PCMTD1: variants seen among roughly 807,000 people sequenced by gnomAD.
PCMTD1 encodes protein-L-isoaspartate (D-aspartate) O-methyltransferase domain containing 1.
Under a neutral mutation model 37.6 loss-of-function variants are expected in PCMTD1, and 12 were observed. The ratio of observed to expected loss-of-function variants is 0.32; its 90% CI spans 0.20 to 0.52. The LOEUF (loss-of-function observed/expected upper bound fraction) is 0.52, where lower values mean the gene tolerates loss of function less well. Ranked by LOEUF, PCMTD1 falls within the 20% of genes least tolerant of loss-of-function variation. The pLI is 0.97. For missense variants in PCMTD1, 235 were observed against 421.3 expected, an observed-to-expected ratio of 0.56 and a Z score of 3.87; for synonymous variants, 117 against 135.8, an observed-to-expected ratio of 0.86 and a Z score of 0.96.
intron 1 of PCMTD1, among the ~76,000 whole-genome samples, chr8:51,878,710 C>A (rs774022944): frequency 1.3e-5 from 2 of 152,156 alleles, no homozygotes; most frequent in South Asian, 4.1e-4. Flanking sequence ...GATCACATCA[C>A]TATATTCCAG....
chr8:51,827,478 C>A, intron 5 of PCMTD1: 1 of 332,612 alleles, frequency 3.0e-6, no homozygotes, highest in South Asian at 2.4e-5. Flanking sequence ...TGAATCACCC[C>A]TCTGTCTACC....
intron 1 of PCMTD1, among the ~76,000 whole-genome samples, chr8:51,870,607 CT>C: frequency 6.6e-6 from 1 of 152,116 alleles, no homozygotes; most frequent in Non-Finnish European, 1.5e-5. Context: ...TGCTCTAGTT[CT>C]TTACCATACT....
intron 1 of PCMTD1, among the ~76,000 whole-genome samples, chr8:51,890,180 C>T (rs1257294965): frequency 6.6e-6 from 1 of 152,154 alleles, no homozygotes; most frequent in Admixed American, 6.5e-5. Flanking sequence ...TTTCTAATTT[C>T]TCTGGTTCAT....
chr8:51,850,084 A>C, intron 2 of PCMTD1: 1 of 702,450 alleles, frequency 1.4e-6, no homozygotes, highest in Non-Finnish European at 2.6e-6. Flanking sequence ...TGAGGTCAAA[A>C]TACTGGTGTG....
At chr8:51,857,237 C>G (rs2129285369) in intron 2 of PCMTD1, among the ~76,000 whole-genome samples, 1 of 152,324 alleles carries the variant, frequency 6.6e-6, no homozygotes, top group East Asian at 1.9e-4. Flanking sequence ...AATGTTGTAG[C>G]AGCAAGGTAG....
intron 2 of PCMTD1, chr8:51,849,805 G>A (rs2038278904): frequency 2.3e-6 from 1 of 440,392 alleles, no homozygotes; most frequent in Non-Finnish European, 4.0e-6. Context: ...GGCATCAAGT[G>A]TCTATGCAAT....
intron 1 of PCMTD1, among the ~76,000 whole-genome samples, chr8:51,880,570 G>A (rs983234034): frequency 5.9e-5 from 9 of 152,118 alleles, no homozygotes; most frequent in East Asian, 3.9e-4. Context: ...CATCCTCAAC[G>A]TACATGAACA....
intron 1 of PCMTD1, among the ~76,000 whole-genome samples, chr8:51,877,990 T>C (rs553673240): frequency 6.6e-6 from 1 of 152,270 alleles, no homozygotes; most frequent in South Asian, 2.1e-4. Context: ...AGCAAATGCA[T>C]CAAAATGCAA....
intron 1 of PCMTD1, among the ~76,000 whole-genome samples, chr8:51,862,068 G>A (rs1157813028): frequency 6.6e-6 from 1 of 151,546 alleles, no homozygotes; most frequent in African/African-American, 2.4e-5. Flanking sequence ...GTATAGTATA[G>A]TATAGTACAG....
intron 3 of PCMTD1, among the ~76,000 whole-genome samples, chr8:51,838,581 T>C (rs933783728): frequency 6.6e-5 from 10 of 152,142 alleles, no homozygotes; most frequent in Non-Finnish European, 1.3e-4. Flanking sequence ...AAGACACAGA[T>C]GGTGGCTACC....
At chr8:51,821,984 C>T (rs2037855786) in intron 5 of PCMTD1, among the ~76,000 whole-genome samples, 1 of 152,182 alleles carries the variant, frequency 6.6e-6, no homozygotes, top group African/African-American at 2.4e-5. Context: ...ATCCGCCCAC[C>T]TTGGCCTCCC....
At chr8:51,881,632 T>C (rs1298659877) in intron 1 of PCMTD1, among the ~76,000 whole-genome samples, 1 of 77,530 alleles carries the variant, frequency 1.3e-5, no homozygotes, top group Non-Finnish European at 4.9e-5. Flanking sequence ...CACTTAGTAG[T>C]TGCCTGGCAT....
chr8:51,873,456 AAG>A (rs1275429071), intron 1 of PCMTD1, among the ~76,000 whole-genome samples: 1 of 152,214 alleles, frequency 6.6e-6, no homozygotes, highest in East Asian at 1.9e-4. Context: ...GAACCAGAGA[AAG>A]TTTAATCAAT....
chr8:51,853,504 G>A (rs961790583), intron 2 of PCMTD1, among the ~76,000 whole-genome samples: 27 of 152,166 alleles, frequency 1.8e-4, no homozygotes, highest in African/African-American at 5.8e-4. Flanking sequence ...AAAGTAACAC[G>A]CAGTCAATTG....
At chr8:51,849,428 G>T (rs976470415) in intron 2 of PCMTD1, 1 of 151,892 alleles carries the variant, frequency 6.6e-6, no homozygotes, top group Non-Finnish European at 1.5e-5. Flanking sequence ...ATGTAAAGAT[G>T]TTTCTATGAA....
At chr8:51,895,088 CG>C (rs1401526078) in intron 1 of PCMTD1, among the ~76,000 whole-genome samples, 9 of 152,180 alleles carry the variant, frequency 5.9e-5, no homozygotes, top group East Asian at 1.9e-4. Context: ...GTTGAAACCA[CG>C]GATCTGTGTG....
intron 2 of PCMTD1, among the ~76,000 whole-genome samples, chr8:51,853,477 G>A (rs567467454): frequency 1.4e-4 from 22 of 152,200 alleles, no homozygotes; most frequent in Non-Finnish European, 2.4e-4. Flanking sequence ...AATTCAGAAA[G>A]GTTTAGTACT....
At chr8:51,846,045 G>A (rs1446546934) in intron 2 of PCMTD1, among the ~76,000 whole-genome samples, 1 of 152,158 alleles carries the variant, frequency 6.6e-6, no homozygotes, top group Non-Finnish European at 1.5e-5. Context: ...TAGCTTATCT[G>A]GCAGGACAAA....
intron 1 of PCMTD1, among the ~76,000 whole-genome samples, chr8:51,865,633 A>G (rs1383563677): frequency 6.6e-6 from 1 of 152,100 alleles, no homozygotes; most frequent in Non-Finnish European, 1.5e-5. Context: ...ATATCCTTTC[A>G]TAATAAAAAC....
Sources: gnomAD v4.1 joint callset for allele counts (sites outside exome capture counted in the v4.1 genomes callset) on GRCh38, gnomAD v4.1.1 for gene constraint, MANE v1.5 for transcripts, NCBI Gene and HGNC (gene_info 2026-07-23, HGNC 2026-07-21) for gene names.